LRTM1: variants seen among roughly 807,000 people sequenced by gnomAD.
The protein encoded by LRTM1 is leucine rich repeat transmembrane protein 1.
Under a neutral mutation model 32.4 loss-of-function variants are expected in LRTM1, and 38 were observed. That is an observed-to-expected ratio of 1.17 (90% CI 0.91 to 1.54). The LOEUF is 1.54. LRTM1 is among the 40% of genes most tolerant of loss of function. The probability of loss-of-function intolerance (pLI) is 0.00; values close to 1 mark genes in which losing one functional copy is unlikely to be tolerated. For synonymous variants in LRTM1, 186 were observed against 169.9 expected, an observed-to-expected ratio of 1.09 and a Z score of -0.74; for missense variants, 466 against 415.4, an observed-to-expected ratio of 1.12 and a Z score of -1.06.
chr3:54,962,744 C>T (rs1244153113), intron 1 of LRTM1, among the ~76,000 whole-genome samples: 1 of 152,072 alleles, frequency 6.6e-6, no homozygotes, highest in Non-Finnish European at 1.5e-5. Context: ...TTTGGATGAG[C>T]TCTCTATGTG....
At chr3:54,934,105 A>G (rs1701272060) in intron 1 of LRTM1, among the ~76,000 whole-genome samples, 1 of 152,218 alleles carries the variant, frequency 6.6e-6, no homozygotes, top group Non-Finnish European at 1.5e-5. Context: ...CAAATTACAA[A>G]ACAGGGACGG....
intron 1 of LRTM1, among the ~76,000 whole-genome samples, chr3:54,963,725 T>C (rs1702083880): frequency 6.6e-6 from 1 of 152,150 alleles, no homozygotes; most frequent in South Asian, 2.1e-4. Flanking sequence ...GAATCTCTCT[T>C]CGGTGATTTG....
At chr3:54,960,400 C>A (rs990821803) in intron 1 of LRTM1, among the ~76,000 whole-genome samples, 1 of 152,174 alleles carries the variant, frequency 6.6e-6, no homozygotes, top group Non-Finnish European at 1.5e-5. Flanking sequence ...TTAGGGGTTA[C>A]ATTTAAAATA....
At chr3:54,964,984 T>C (rs568168379) in intron 1 of LRTM1, among the ~76,000 whole-genome samples, 48 of 152,258 alleles carry the variant, frequency 3.2e-4, no homozygotes, top group African/African-American at 1.1e-3. Flanking sequence ...GTGGGCTTTC[T>C]AAAAATATAA....
chr3:54,965,341 A>C (rs1020583890), intron 1 of LRTM1, among the ~76,000 whole-genome samples: 2 of 152,096 alleles, frequency 1.3e-5, no homozygotes, highest in African/African-American at 4.8e-5. Flanking sequence ...AAGCCTCCAA[A>C]CAAATGATGG....
intron 1 of LRTM1, among the ~76,000 whole-genome samples, chr3:54,940,719 A>G (rs376975800): frequency 1.3e-5 from 2 of 152,170 alleles, no homozygotes; most frequent in African/African-American, 4.8e-5. Context: ...TGTACTCTGG[A>G]CGTTCCTTTT....
chr3:54,921,678 G>T lies in LRTM1; in HGVS notation c.605-2786C>A, dbSNP rs559964905. Among the ~76,000 whole-genome samples the T allele has an allele frequency of 3.4e-4, 52 of 152,176 alleles. 1 individual carries two copies. In the South Asian group the frequency reaches 7.5e-3, roughly 22 times the overall value. On this transcript the variant is annotated intron_variant, in intron 2 of 2. Transcript: ENST00000273286. ...CCCCGTGTAATCCGCCATGCATTTT[G>T]TTCCCACTTGGGGATGACCTTAGAG...
intron 1 of LRTM1, among the ~76,000 whole-genome samples, chr3:54,936,918 C>T (rs150455019): frequency 1.3e-5 from 2 of 152,146 alleles, no homozygotes; most frequent in South Asian, 4.2e-4. Context: ...CGTGTATGCT[C>T]TCACTGCTAC....
intron 1 of LRTM1, among the ~76,000 whole-genome samples, chr3:54,954,515 T>C (rs1368028400): frequency 6.6e-6 from 1 of 152,218 alleles, no homozygotes; most frequent in African/African-American, 2.4e-5. Flanking sequence ...GTGCATATCT[T>C]TCTGTCGGGG....
chr3:54,957,330 A>G (rs1277796238), intron 1 of LRTM1, among the ~76,000 whole-genome samples: 1 of 151,978 alleles, frequency 6.6e-6, no homozygotes, highest in African/African-American at 2.4e-5. Flanking sequence ...AAAACTTTTT[A>G]TAGAGATGGG....
upstream of LRTM1, among the ~76,000 whole-genome samples, chr3:54,928,862 C>T (rs371110986): frequency 2.6e-5 from 4 of 152,146 alleles, no homozygotes; most frequent in Non-Finnish European, 5.9e-5. Context: ...GAGCATCAGG[C>T]GTCAGTCGAC....
At chr3:54,945,583 G>A (rs1203946799) in intron 1 of LRTM1, among the ~76,000 whole-genome samples, 2 of 152,118 alleles carry the variant, frequency 1.3e-5, no homozygotes, top group Non-Finnish European at 2.9e-5. Flanking sequence ...ATAACCTGGG[G>A]CAAGTTATGT....
intron 1 of LRTM1, among the ~76,000 whole-genome samples, chr3:54,926,699 A>G (rs1230463415): frequency 6.6e-6 from 1 of 152,222 alleles, no homozygotes; most frequent in Non-Finnish European, 1.5e-5. Context: ...GTTGTAGCAT[A>G]TTCCATGGTG....
chr3:54,923,640 A>C (rs1239706990), intron 2 of LRTM1, among the ~76,000 whole-genome samples: 2 of 152,220 alleles, frequency 1.3e-5, no homozygotes, highest in African/African-American at 4.8e-5. Flanking sequence ...AGTGCCTGGC[A>C]TACAAAAGGC....
chr3:54,947,261 C>G (rs575169818), intron 1 of LRTM1, among the ~76,000 whole-genome samples: 3 of 152,232 alleles, frequency 2.0e-5, no homozygotes, highest in African/African-American at 7.2e-5. Context: ...CACCTTTACT[C>G]TATGCTGCCT....
chr3:54,925,075 G>A lies in LRTM1; in HGVS notation c.148C>T (p.Pro50Ser), dbSNP rs1700973825. Residue 50 changes from proline (P) to serine (S), a missense_variant, in exon 2 of 3, where the codon CCT becomes TCT. By Grantham distance (74) the Pro-to-Ser change is moderately conservative. Transcript: ENST00000273286. ...GLAEIPSHLP[P>S]QTRTLHLQDN... ...TGTAAATGCAGCGTTCGAGTCTGAGGAGGTAAATGGGAAGGGATTTCGGCC... is the reference window on the plus strand; with the variant it reads ...TGTAAATGCAGCGTTCGAGTCTGAGAAGGTAAATGGGAAGGGATTTCGGCC... 1 of 1,614,026 alleles carries A rather than the reference G, an allele frequency of 6.2e-7. No homozygotes were observed. Among genetic ancestry groups the A allele is most frequent in the African/African-American group, 1.3e-5 (1 of 74,918 alleles).
At chr3:54,926,079 A>G in intron 1 of LRTM1, among the ~76,000 whole-genome samples, 1 of 152,266 alleles carries the variant, frequency 6.6e-6, no homozygotes, top group African/African-American at 2.4e-5. Flanking sequence ...AGTTGAACTT[A>G]CTTTGATTCA....
At chr3:54,919,619 G>A (rs548460860) in intron 2 of LRTM1, among the ~76,000 whole-genome samples, 5 of 152,200 alleles carry the variant, frequency 3.3e-5, no homozygotes, top group South Asian at 2.1e-4. Flanking sequence ...TTGGGTGGTC[G>A]GTCATTCTTT....
At position 54,959,847 on chromosome 3, in the gene LRTM1, G is replaced by A. The variant is rs112022045; in HGVS notation, c.-222+7081C>T. Among the ~76,000 whole-genome samples the A allele has an allele frequency of 6.6e-5, 10 of 152,172 alleles. 1 individual carries two copies. The highest frequency in any genetic ancestry group is 2.0e-4 in the Admixed American group (3 of 15,296). ...ACAAAAACAATTTGATGCTAGCTCCGGCAGCCTGGGAAAGCTGAGGGAATA... is the reference window on the plus strand; with the variant it reads ...ACAAAAACAATTTGATGCTAGCTCCAGCAGCCTGGGAAAGCTGAGGGAATA... On this transcript the variant is annotated intron_variant, in intron 1 of 2. Transcript: ENST00000493075.
Sources: gnomAD v4.1 joint callset for allele counts (sites outside exome capture counted in the v4.1 genomes callset) on GRCh38, gnomAD v4.1.1 for gene constraint, MANE v1.5 for transcripts, NCBI Gene and HGNC (gene_info 2026-07-23, HGNC 2026-07-21) for gene names.